GRB10: variants seen among roughly 807,000 people sequenced by gnomAD.
GRB10 encodes growth factor receptor-bound protein 10.
GRB10 carries 20 observed loss-of-function variants against 80.9 expected under a neutral mutation model. That is an observed-to-expected ratio of 0.25 (90% confidence interval 0.17 to 0.36). The LOEUF (loss-of-function observed/expected upper bound fraction) is 0.36. Among genes scored for constraint, GRB10 ranks in the 10% least tolerant of loss-of-function variants. GRB10 has a pLI of 1.00. For synonymous variants in GRB10, 291 were observed against 291.5 expected, an observed-to-expected ratio of 1.00 and a Z score of 0.02; for missense variants, 548 against 747.7, an observed-to-expected ratio of 0.73 and a Z score of 3.12.
chr7:50,680,196 T>C (rs78667563), intron 5 of GRB10, among the ~76,000 whole-genome samples: 1,971 of 152,318 alleles, frequency 0.013, 47 homozygotes, highest in African/African-American at 0.045. Flanking sequence ...CAGGCAGGAT[T>C]TGAGGCAGAA....
intron 1 of GRB10, among the ~76,000 whole-genome samples, chr7:50,789,687 A>G (rs1245677855): frequency 6.6e-6 from 1 of 152,264 alleles, no homozygotes; most frequent in East Asian, 1.9e-4. Flanking sequence ...TGAAAAGACT[A>G]GAAGAATCTC....
At chr7:50,789,866 T>C (rs527465996) in intron 1 of GRB10, among the ~76,000 whole-genome samples, 2 of 152,318 alleles carry the variant, frequency 1.3e-5, no homozygotes, top group Admixed American at 1.3e-4. Context: ...GCTTCTTCTG[T>C]TGCCATCTCA....
At chr7:50,629,830 C>T (rs927090790) in intron 7 of GRB10, among the ~76,000 whole-genome samples, 3 of 152,154 alleles carry the variant, frequency 2.0e-5, no homozygotes, top group African/African-American at 7.2e-5. Context: ...AGGTCTCCTG[C>T]GGAGCAGGCC....
chr7:50,676,470 G>A (rs1391124772), intron 5 of GRB10, among the ~76,000 whole-genome samples: 5 of 151,894 alleles, frequency 3.3e-5, no homozygotes, highest in African/African-American at 7.3e-5. Context: ...AAAAGTGATC[G>A]TTATTAACCT....
intron 7 of GRB10, among the ~76,000 whole-genome samples, chr7:50,648,986 G>A (rs994416945): frequency 1.3e-5 from 2 of 152,126 alleles, no homozygotes; most frequent in African/African-American, 2.4e-5. Context: ...CGGGACTTGG[G>A]GGTAAGAAAC....
intron 12 of GRB10, among the ~76,000 whole-genome samples, chr7:50,614,136 T>A (rs2050083791): frequency 6.6e-6 from 1 of 152,206 alleles, no homozygotes; most frequent in Non-Finnish European, 1.5e-5. Flanking sequence ...CCTATAGGTG[T>A]GTGCACATGT....
rs976491658 is a variant in GRB10, at chr7:50,617,227, G to A, written c.846+844C>T. 2.6e-5 allele frequency among the ~76,000 whole-genome samples: 4 copies of A among 152,230 alleles called. No homozygotes were observed. The East Asian group carries it at 7.7e-4, about 29-fold the overall frequency. Reference sequence around the variant, plus strand: ...AGAAGGGCTTCTGAAGACACCACCAGAACAGAGCTCTGAAACTCTTATCTT... The same window carrying A: ...AGAAGGGCTTCTGAAGACACCACCAAAACAGAGCTCTGAAACTCTTATCTT... On this transcript the variant is annotated intron_variant, in intron 10 of 18. Coordinates refer to ENST00000401949, the MANE Select transcript of GRB10 (RefSeq NM_001350814.2).
chr7:50,759,192 CAAA>C (rs57526722), intron 2 of GRB10, among the ~76,000 whole-genome samples: 5 of 113,568 alleles, frequency 4.4e-5, no homozygotes, highest in Admixed American at 9.5e-5. Context: ...GACTCTGCCT[CAAA>C]AAAAAAAAAA....
chr7:50,641,628 T>C (rs1477840347), intron 7 of GRB10, among the ~76,000 whole-genome samples: 1 of 152,216 alleles, frequency 6.6e-6, no homozygotes, highest in African/African-American at 2.4e-5. Flanking sequence ...TCCCTGCAGC[T>C]GTGCAAAGTT....
intron 2 of GRB10, among the ~76,000 whole-genome samples, chr7:50,769,961 C>T (rs370158909): frequency 9.2e-5 from 14 of 152,288 alleles, no homozygotes; most frequent in African/African-American, 2.6e-4. Context: ...AGGATAGAAA[C>T]GGTCGTATAT....
intron 7 of GRB10, among the ~76,000 whole-genome samples, chr7:50,645,190 T>G (rs542678517): frequency 1.6e-4 from 25 of 152,234 alleles, no homozygotes; most frequent in Non-Finnish European, 3.2e-4. Context: ...GCTAATAATC[T>G]TTATACTGCC....
chr7:50,634,559 A>G (rs1456093444), intron 7 of GRB10, among the ~76,000 whole-genome samples: 2 of 152,228 alleles, frequency 1.3e-5, no homozygotes, highest in Admixed American at 6.5e-5. Flanking sequence ...GTTGAACATA[A>G]ATGGCCTAAA....
intron 3 of GRB10, among the ~76,000 whole-genome samples, chr7:50,753,288 A>C (rs10243605): frequency 0.063 from 9,550 of 152,248 alleles, 1,008 homozygotes; most frequent in African/African-American, 0.22. Flanking sequence ...TTGGGCTTCA[A>C]CTGTTAGGTC....
At chr7:50,658,886 TGCCGTCACGTCGG>T (rs1431449498) in intron 7 of GRB10, among the ~76,000 whole-genome samples, 2 of 152,172 alleles carry the variant, frequency 1.3e-5, no homozygotes, top group Non-Finnish European at 2.9e-5. Context: ...AACATGCAGG[TGCCGTCACGTCGG>T]GCCTTCGGGA....
chr7:50,620,742 G>C lies in GRB10; in HGVS notation c.662-1457C>G, dbSNP rs2051562006. Among the ~76,000 whole-genome samples the C allele has an allele frequency of 2.0e-5, 3 of 152,104 alleles. 1 individual carries two copies. The South Asian group carries it at 6.2e-4, about 32-fold the overall frequency. ...GTGGCCCTCATGTCTCCCCATGATA[G>C]AAAAAGAGAGAAACCAAGAACATGC... On this transcript the variant is annotated intron_variant, in intron 8 of 18. Transcript: ENST00000401949.
At chr7:50,710,301 T>C (rs1055105299) in intron 4 of GRB10, among the ~76,000 whole-genome samples, 2 of 151,952 alleles carry the variant, frequency 1.3e-5, no homozygotes, top group South Asian at 2.1e-4. Context: ...TCTGTGAGGA[T>C]AGAGGGACAA....
Position 50,642,461 on chromosome 7 carries a change from CATACAT to C in GRB10, c.505-15489_505-15484del, listed in dbSNP as rs552333336. Among the ~76,000 whole-genome samples, 21 of 151,694 alleles carry C rather than the reference CATACAT, an allele frequency of 1.4e-4. No individual in the cohort carries two copies. In the East Asian group the frequency reaches 1.5e-3, roughly 11 times the overall value. On this transcript the variant is annotated intron_variant, in intron 7 of 18. Coordinates refer to ENST00000401949, the MANE Select transcript of GRB10 (RefSeq NM_001350814.2). ...CATGCACATATACACATGCTTCATACATACATATACATATACACATAAATATATATA... is the reference window on the plus strand; with the variant it reads ...CATGCACATATACACATGCTTCATACATACATATACACATAAATATATATA...
intron 17 of GRB10, chr7:50,595,799 AG>A: frequency 2.4e-6 from 1 of 408,172 alleles, no homozygotes; most frequent in Non-Finnish European, 4.5e-6. Context: ...GGGTTAGGGC[AG>A]GGAAACTATA....
rs572732177 is a variant in GRB10 at position 50,733,114 on chromosome 7, G to T, written c.-46-746C>A. Among the ~76,000 whole-genome samples the T allele has an allele frequency of 5.9e-5, 9 of 152,274 alleles. No individual in the cohort carries two copies. In the East Asian group the frequency reaches 1.7e-3, roughly 29 times the overall value. ...CGTCACTAAGTTAAAATGAGATGAT[G>T]AGGGTGGGCCCTAATCCAATACAAG... is the stretch of plus-strand genomic sequence containing the variant. On this transcript the variant is annotated intron_variant, in intron 3 of 18. Coordinates refer to ENST00000401949, the MANE Select transcript of GRB10 (RefSeq NM_001350814.2).
Sources: gnomAD v4.1 joint callset for allele counts (sites outside exome capture counted in the v4.1 genomes callset) on GRCh38, gnomAD v4.1.1 for gene constraint, MANE v1.5 for transcripts, NCBI Gene and HGNC (gene_info 2026-07-23, HGNC 2026-07-21) for gene names.